SAMD8: variants seen among roughly 807,000 people sequenced by gnomAD.
SAMD8 encodes the protein sterile alpha motif domain containing 8.
A neutral mutation model predicts 42.0 loss-of-function variants in SAMD8; 20 were observed. The observed-to-expected ratio is 0.48, with a 90% CI of 0.34 to 0.69. SAMD8 has a LOEUF of 0.69. Ranked by LOEUF, SAMD8 falls within the 30% of genes least tolerant of loss-of-function variation. The probability of loss-of-function intolerance (pLI) is 0.01; values close to 1 mark genes in which losing one functional copy is unlikely to be tolerated. For missense variants in SAMD8, 328 were observed against 511.6 expected, an observed-to-expected ratio of 0.64 and a Z score of 3.46; for synonymous variants, 162 against 173.0, an observed-to-expected ratio of 0.94 and a Z score of 0.50.
intron 1 of SAMD8, among the ~76,000 whole-genome samples, chr10:75,131,873 T>C (rs760376187): frequency 3.9e-5 from 6 of 152,216 alleles, no homozygotes; most frequent in Admixed American, 6.5e-5. Flanking sequence ...CAAGCCTCAC[T>C]GTGCATTAGA....
intron 2 of SAMD8, among the ~76,000 whole-genome samples, chr10:75,152,518 T>C (rs1589962405): frequency 8.5e-6 from 1 of 117,522 alleles, no homozygotes; most frequent in Non-Finnish European, 1.7e-5. Context: ...CGAGACTCCG[T>C]CTCAAAAAAA....
intron 1 of SAMD8, among the ~76,000 whole-genome samples, chr10:75,126,803 T>A (rs1400409586): frequency 6.6e-6 from 1 of 151,772 alleles, no homozygotes; most frequent in Non-Finnish European, 1.5e-5. Flanking sequence ...GTTGGCCGGA[T>A]TGTATCCTCA....
intron 2 of SAMD8, among the ~76,000 whole-genome samples, chr10:75,152,995 T>A (rs1840326446): frequency 6.6e-6 from 1 of 152,130 alleles, no homozygotes; most frequent in Admixed American, 6.5e-5. Context: ...TTTGTTTTTG[T>A]TTTTTAGATG....
chr10:75,111,971 G>A (rs960339372), intron 1 of SAMD8, among the ~76,000 whole-genome samples: 23 of 152,336 alleles, frequency 1.5e-4, no homozygotes, highest in African/African-American at 4.6e-4. Flanking sequence ...GAGAGCGAGA[G>A]GGGGAGGCTT....
chr10:75,112,701 A>G (rs2134411664), intron 1 of SAMD8, among the ~76,000 whole-genome samples: 1 of 152,358 alleles, frequency 6.6e-6, no homozygotes, highest in Non-Finnish European at 1.5e-5. Context: ...CTAAAAATTT[A>G]CTATATTACC....
rs936496251 is a variant in SAMD8 at position 75,155,188 on chromosome 10, C to G, written c.578+4082C>G. ...ATTGTAGGTGTGAGCTACCACCCCC[C>G]AGCCTATTCCAAGATTTTTAACCTG... is the stretch of plus-strand genomic sequence containing the variant. On this transcript the variant is annotated intron_variant, in intron 2 of 5. Coordinates refer to ENST00000542569, the MANE Select transcript of SAMD8 (RefSeq NM_001174156.2). Among the ~76,000 whole-genome samples the G allele has an allele frequency of 2.6e-5, 4 of 152,154 alleles. No homozygotes were observed. In the East Asian group the frequency reaches 5.8e-4, roughly 22 times the overall value.
chr10:75,137,340 G>C (rs576827317), intron 1 of SAMD8, among the ~76,000 whole-genome samples: 145 of 152,234 alleles, frequency 9.5e-4, no homozygotes, highest in African/African-American at 3.3e-3. Flanking sequence ...AGGAGTTCGA[G>C]ACCAGCCTGG....
chr10:75,150,783 G>T lies in SAMD8; in HGVS notation c.255G>T (p.Glu85Asp), dbSNP rs1246725563. 6.2e-7 allele frequency: 1 copy of T among 1,614,044 alleles called. No homozygotes were observed. The highest frequency in any genetic ancestry group is 8.5e-7 in the Non-Finnish European group (1 of 1,180,048). ...LQKIHIDVLE[E>D]MGYNSDSPMG... ...AAATACATATTGATGTTTTAGAAGA[G>T]ATGGGCTACAACAGTGACAGTCCCA... Residue 85 changes from glutamate (E) to aspartate (D), a missense_variant, in exon 2 of 6, where the codon GAG becomes GAT. Transcript: ENST00000542569.
intron 1 of SAMD8, among the ~76,000 whole-genome samples, chr10:75,120,564 C>G (rs7077767): frequency 1.3e-5 from 2 of 151,982 alleles, no homozygotes; most frequent in Non-Finnish European, 2.9e-5. Flanking sequence ...CCACCGCGCC[C>G]GGCCAGCGTC....
chr10:75,128,136 G>T (rs7906252), intron 1 of SAMD8, among the ~76,000 whole-genome samples: 125 of 145,638 alleles, frequency 8.6e-4, no homozygotes, highest in Middle Eastern at 3.7e-3. Context: ...GCAATGGCGC[G>T]ATCTTGGCTC....
intron 1 of SAMD8, among the ~76,000 whole-genome samples, chr10:75,118,434 C>G (rs1462631929): frequency 6.6e-6 from 1 of 152,154 alleles, no homozygotes. Flanking sequence ...CACTTGAGAT[C>G]AGAGTTCGAG....
rs994735574 is a variant in SAMD8 at position 75,181,816 on chromosome 10, G to A, written c.*5124G>A. 2.6e-5 allele frequency: 4 copies of A among 152,176 alleles called. No individual in the cohort carries two copies. The highest frequency in any genetic ancestry group is 5.9e-5 in the Non-Finnish European group (4 of 68,018). The allele number at this position is 152,176 out of a possible 1,614,324, so 9.4% of individuals were successfully genotyped here. ...ATCTATGTATTATTAGAAAAATGAA[G>A]TATTTCTGACATGGAACAAAGAAAG... On this transcript the variant is annotated 3_prime_UTR_variant, in exon 6 of 6. Transcript: ENST00000542569.
chr10:75,126,449 G>A (rs56217593), intron 1 of SAMD8, among the ~76,000 whole-genome samples: 13,655 of 149,166 alleles, frequency 0.092, 679 homozygotes, highest in Middle Eastern at 0.14. Flanking sequence ...TATAGTATGT[G>A]TACAGTAAAT....
At chr10:75,174,863 G>A (rs1840955044) in intron 4 of SAMD8, among the ~76,000 whole-genome samples, 2 of 152,054 alleles carry the variant, frequency 1.3e-5, no homozygotes, top group African/African-American at 4.8e-5. Context: ...TTGATAACTG[G>A]AAATTCAAAG....
upstream of SAMD8, among the ~76,000 whole-genome samples, chr10:75,108,456 C>G (rs948140460): frequency 6.6e-6 from 1 of 152,158 alleles, no homozygotes; most frequent in African/African-American, 2.4e-5. Flanking sequence ...TGCATCTGTC[C>G]CTGCCTTGGC....
chr10:75,124,463 A>C (rs1215509133), intron 1 of SAMD8, among the ~76,000 whole-genome samples: 1 of 152,090 alleles, frequency 6.6e-6, no homozygotes, highest in Non-Finnish European at 1.5e-5. Context: ...AAATACAAAA[A>C]TTAGCCAGGC....
chr10:75,132,447 G>A (rs12250067), intron 1 of SAMD8, among the ~76,000 whole-genome samples: 2,030 of 152,156 alleles, frequency 0.013, 52 homozygotes, highest in African/African-American at 0.046. Context: ...GACCAACTCT[G>A]GGGAACTGAC....
intron 1 of SAMD8, among the ~76,000 whole-genome samples, chr10:75,141,086 G>A (rs184267854): frequency 2.0e-5 from 3 of 152,296 alleles, no homozygotes; most frequent in East Asian, 3.9e-4. Flanking sequence ...GCTCACGCCT[G>A]TAATCCCACA....
upstream of SAMD8, among the ~76,000 whole-genome samples, chr10:75,107,180 C>G (rs1000665172): frequency 6.6e-6 from 1 of 152,064 alleles, no homozygotes; most frequent in Non-Finnish European, 1.5e-5. Context: ...TGCTAAAATA[C>G]AAAAATTAGC....
Sources: allele counts gnomAD v4.1 joint callset (sites outside exome capture counted in the v4.1 genomes callset), GRCh38; gene constraint gnomAD v4.1.1; transcripts MANE v1.5; gene names NCBI Gene and HGNC (gene_info 2026-07-23, HGNC 2026-07-21).